PPFIBP1: variants seen among roughly 807,000 people sequenced by gnomAD.
PPFIBP1 encodes the protein PPFIB scaffold protein 1.
A neutral mutation model predicts 137.8 loss-of-function variants in PPFIBP1; 112 were observed. The observed-to-expected ratio is 0.81, with a 90% confidence interval of 0.70 to 0.95. The LOEUF (loss-of-function observed/expected upper bound fraction) is 0.95. Among genes scored for constraint, PPFIBP1 ranks in the 40% least tolerant of loss-of-function variants. The pLI is 0.00. For missense variants in PPFIBP1, 1,083 were observed against 1,196.6 expected, an observed-to-expected ratio of 0.91 and a Z score of 1.40; for synonymous variants, 378 against 417.3, an observed-to-expected ratio of 0.91 and a Z score of 1.15.
intron 14 of PPFIBP1, 21 bp downstream of exon 14, chr12:27,671,567 G>T: frequency 7.1e-7 from 1 of 1,416,000 alleles, no homozygotes; most frequent in Non-Finnish European, 9.7e-7. Flanking sequence ...TATTAACAGT[G>T]CAATATAAAT....
intron 1 of PPFIBP1, among the ~76,000 whole-genome samples, chr12:27,527,973 G>A (rs1943966886): frequency 6.6e-6 from 1 of 152,134 alleles, no homozygotes; most frequent in South Asian, 2.1e-4. Flanking sequence ...TTTTGAGACA[G>A]AGTCGCTCTC....
In PPFIBP1 at chr12:27,550,991, A is replaced by ATTT. The variant is rs9300174; in HGVS notation, c.-124+26637_-124+26639dup. Among the ~76,000 whole-genome samples the ATTT allele has an allele frequency of 7.4e-3, 1,008 of 136,708 alleles. 5 individuals are homozygous for ATTT. The highest frequency in any genetic ancestry group is 0.021 in the East Asian group (105 of 4,954). The allele number at this position is 136,708 out of a possible 152,430, so 89.7% of individuals were successfully genotyped here. On this transcript the variant is annotated intron_variant, in intron 1 of 29. Transcript: ENST00000228425. The stretch of plus-strand genomic sequence containing the variant: ...GGGCACTAATTTTATATATATATAT[A>ATTT]TTTTTTTTTTTTTAACAAACGTGAA...
rs775157032 is a variant in PPFIBP1, at chr12:27,692,663, T to C, written c.2931+7T>C. On this transcript the variant is annotated splice_region_variant and intron_variant, in intron 29 of 29. Coordinates refer to ENST00000228425, the MANE Select transcript of PPFIBP1 (RefSeq NM_003622.4). Reference sequence around the variant, plus strand: ...AGGCATCAACAATCTGACGGTGAGTTTGTGAAATGAATTGAAAATGTTATT... The same window carrying C: ...AGGCATCAACAATCTGACGGTGAGTCTGTGAAATGAATTGAAAATGTTATT... The C allele has an allele frequency of 2.5e-6, 4 of 1,614,070 alleles. No individual in the cohort carries two copies. The highest frequency in any genetic ancestry group is 3.4e-6 in the Non-Finnish European group (4 of 1,179,948).
chr12:27,674,413 A>G (rs1208581710), intron 17 of PPFIBP1, among the ~76,000 whole-genome samples, 192 bp downstream of exon 17: 1 of 120,726 alleles, frequency 8.3e-6, no homozygotes, highest in Non-Finnish European at 1.8e-5. Context: ...CTATAGAAAT[A>G]GAATGCAGAT....
chr12:27,558,022 T>G (rs1194731972), intron 1 of PPFIBP1, among the ~76,000 whole-genome samples: 2 of 152,334 alleles, frequency 1.3e-5, no homozygotes, highest in Middle Eastern at 3.4e-3. Context: ...GTCAGTTCTT[T>G]TCTTCAACAT....
intron 2 of PPFIBP1, among the ~76,000 whole-genome samples, chr12:27,613,926 A>T (rs1320984181): frequency 6.6e-6 from 1 of 152,128 alleles, no homozygotes; most frequent in Non-Finnish European, 1.5e-5. Flanking sequence ...CCTTCCCCAC[A>T]CACGTCCATA....
intron 2 of PPFIBP1, chr12:27,592,431 A>C: frequency 2.6e-6 from 2 of 775,134 alleles, no homozygotes; most frequent in Non-Finnish European, 4.1e-6. Flanking sequence ...GATTATTTTC[A>C]ACTTTCCAAA....
At chr12:27,582,321 T>A (rs919582751) in intron 2 of PPFIBP1, among the ~76,000 whole-genome samples, 9 of 152,216 alleles carry the variant, frequency 5.9e-5, no homozygotes, top group African/African-American at 2.2e-4. Flanking sequence ...CAAGTATCTC[T>A]GATGACTTTT....
intron 1 of PPFIBP1, among the ~76,000 whole-genome samples, chr12:27,551,972 G>A (rs1171123152): frequency 1.3e-5 from 2 of 152,168 alleles, no homozygotes; most frequent in Non-Finnish European, 2.9e-5. Context: ...TGCGTTCCAG[G>A]TCCGTGTCTG....
At chr12:27,681,502 T>C in intron 21 of PPFIBP1, 44 bp from the exon 22 acceptor site, 1 of 1,585,260 alleles carries the variant, frequency 6.3e-7, no homozygotes, top group Non-Finnish European at 8.7e-7. Context: ...AGCCACAGGA[T>C]TGGCTTTGGA....
intron 4 of PPFIBP1, among the ~76,000 whole-genome samples, chr12:27,641,807 T>C (rs1003796917): frequency 1.3e-5 from 2 of 152,212 alleles, no homozygotes; most frequent in South Asian, 2.1e-4. Context: ...AATCAAATCA[T>C]CTATCACCTG....
At chr12:27,626,610 A>C (rs2056839786) in intron 2 of PPFIBP1, among the ~76,000 whole-genome samples, 1 of 151,594 alleles carries the variant, frequency 6.6e-6, no homozygotes, top group African/African-American at 2.4e-5. Flanking sequence ...TCTATCGCCC[A>C]GGCTGGAGTG....
At chr12:27,589,917 A>C (rs1164335787) in intron 2 of PPFIBP1, among the ~76,000 whole-genome samples, 1 of 152,122 alleles carries the variant, frequency 6.6e-6, no homozygotes, top group Non-Finnish European at 1.5e-5. Context: ...CCTTGGTCCT[A>C]ATAGATTTCT....
chr12:27,682,669 G>A lies in PPFIBP1; in HGVS notation c.2213G>A (p.Arg738Gln), dbSNP rs768115177. The change falls in exon 24 of 30, where the codon CGG (arginine) becomes CAG (glutamine). Residue 738 changes from arginine (R) to glutamine (Q), a missense_variant. Coordinates refer to ENST00000228425, the MANE Select transcript of PPFIBP1 (RefSeq NM_003622.4). ...PQYKTQFDEG[R>Q]VDGRMLHYMT... The stretch of plus-strand genomic sequence containing the variant: ...TATAAGACCCAGTTTGATGAAGGAC[G>A]GGTTGATGGTCGAATGCTACATTAC... The A allele has an allele frequency of 6.2e-6, 10 of 1,614,008 alleles. No homozygotes were observed. The highest frequency in any genetic ancestry group is 2.2e-5 in the South Asian group (2 of 91,080).
intron 11 of PPFIBP1, 81 bp downstream of exon 11, chr12:27,661,026 C>T: frequency 1.3e-6 from 2 of 1,561,150 alleles, no homozygotes; most frequent in Admixed American, 3.7e-5. Context: ...ATGAGCTATG[C>T]CATTTTAAAA....
intron 1 of PPFIBP1, among the ~76,000 whole-genome samples, chr12:27,529,686 T>A (rs1332830028): frequency 6.6e-6 from 1 of 152,224 alleles, no homozygotes; most frequent in Non-Finnish European, 1.5e-5. Context: ...AGAGCAAGAC[T>A]CTGTCTAAAA....
intron 27 of PPFIBP1, among the ~76,000 whole-genome samples, chr12:27,691,057 A>G (rs920710634): frequency 6.7e-6 from 1 of 150,110 alleles, no homozygotes; most frequent in Non-Finnish European, 1.5e-5. Flanking sequence ...CCCAGTGACC[A>G]TCATGGAGTT....
At chr12:27,537,366 C>T (rs1262669159) in intron 1 of PPFIBP1, among the ~76,000 whole-genome samples, 2 of 152,134 alleles carry the variant, frequency 1.3e-5, no homozygotes, top group African/African-American at 2.4e-5. Flanking sequence ...CTCCTGACCT[C>T]GTGATCCGCC....
At chr12:27,608,222 T>C (rs1391888983) in intron 2 of PPFIBP1, among the ~76,000 whole-genome samples, 1 of 152,150 alleles carries the variant, frequency 6.6e-6, no homozygotes, top group Non-Finnish European at 1.5e-5. Context: ...CATAATGCAT[T>C]TAGGAAAACA....
Sources: gnomAD v4.1 joint callset for allele counts (sites outside exome capture counted in the v4.1 genomes callset) on GRCh38, gnomAD v4.1.1 for gene constraint, MANE v1.5 for transcripts, NCBI Gene and HGNC (gene_info 2026-07-23, HGNC 2026-07-21) for gene names.